The following SMCR8 variants were observed in gnomAD, a reference collection of about 807,000 sequenced individuals.
The protein encoded by SMCR8 is guanine nucleotide exchange protein SMCR8.
In SMCR8, 30 loss-of-function variants were observed where a neutral mutation model predicts 56.6. The observed-to-expected ratio is 0.53, with a 90% CI of 0.40 to 0.72. SMCR8 has a LOEUF of 0.72. Ranked by LOEUF, SMCR8 falls within the 30% of genes least tolerant of loss-of-function variation. SMCR8 has a pLI of 0.00. For missense variants in SMCR8, 1,198 were observed against 1,157.0 expected (o/e 1.04, Z -0.51); for synonymous variants, 538 against 456.0 (o/e 1.18, Z -2.29).
intron 1 of SMCR8, among the ~76,000 whole-genome samples, chr17:18,319,453 T>G (rs1201743381): frequency 1.3e-5 from 2 of 152,054 alleles, no homozygotes; most frequent in Non-Finnish European, 2.9e-5. Context: ...GGTTGTGACC[T>G]TCCTATCCTC....
chr17:18,320,274 C>T (rs369112062), intron 1 of SMCR8, among the ~76,000 whole-genome samples: 1 of 152,202 alleles, frequency 6.6e-6, no homozygotes, highest in African/African-American at 2.4e-5. Context: ...GTTGGGGTGC[C>T]GTGCGCTTGG....
Position 18,323,677 on chromosome 17 carries a change from CCA to C in SMCR8, c.*610_*611del, listed in dbSNP as rs751569794. 44 of 156,568 alleles carry C rather than the reference CCA, an allele frequency of 2.8e-4. No homozygotes were observed. Among genetic ancestry groups the C allele is most frequent in the Middle Eastern group, 3.3e-3 (1 of 302 alleles). The allele number at this position is 156,568 out of a possible 1,614,324, so 9.7% of individuals were successfully genotyped here. ...GAAACATGCGACCTTGGCCTCAGGG[CCA>C]CAGAGCGTGAGCAGCACCCTGTCCG... On this transcript the variant is annotated 3_prime_UTR_variant, in exon 2 of 2. Coordinates refer to ENST00000406438, the MANE Select transcript of SMCR8 (RefSeq NM_144775.3).
intron 1 of SMCR8, among the ~76,000 whole-genome samples, chr17:18,320,997 A>G (rs1043329316): frequency 5.9e-5 from 9 of 152,240 alleles, no homozygotes; most frequent in South Asian, 2.1e-4. Flanking sequence ...TTTTTTCTCA[A>G]TCAGACTGAG....
In SMCR8 at chr17:18,317,043, C is replaced by G. The variant is rs374947089; in HGVS notation, c.1254C>G (p.Tyr418Ter). ...AAGTGTTAATTAGTGTTGGTTCTTA[C>G]AAGTCCAGTGTGGAGTCTGTGTTGA... ...IPKVLISVGS[Y>*]KSSVESVLIK... The change falls in exon 1 of 2, where the codon TAC (tyrosine) becomes TAG (stop). Residue 418 changes from tyrosine (Y) to a stop codon, truncating the protein, a stop_gained. Transcript: ENST00000406438. LOFTEE classifies it high-confidence loss of function. 6.2e-7 allele frequency: 1 copy of G among 1,614,130 alleles called. No individual in the cohort carries two copies. Among genetic ancestry groups the G allele is most frequent in the Non-Finnish European group, 8.5e-7 (1 of 1,180,028 alleles).
At position 18,315,853 on chromosome 17, in the gene SMCR8, A is replaced by G; in HGVS notation, c.64A>G (p.Asn22Asp). Residue 22 changes from asparagine to aspartate, a missense_variant, in exon 1 of 2, where the codon AAT becomes GAT. Physicochemically the swap from Asn to Asp is conservative, Grantham distance 23. Coordinates refer to ENST00000406438, the MANE Select transcript of SMCR8 (RefSeq NM_144775.3). Reference sequence around the variant, plus strand: ...GGAAGAGTATGAAGAAGAGCCTTACAATGAGCCGGCCCTGCCTGAGGAGTA... The same window carrying G: ...GGAAGAGTATGAAGAAGAGCCTTACGATGAGCCGGCCCTGCCTGAGGAGTA... The part of the protein sequence containing the change: ...KEEEYEEEPY[N>D]EPALPEEYSV... The G allele has an allele frequency of 1.2e-6, 2 of 1,613,580 alleles. No homozygotes were observed. Among genetic ancestry groups the G allele is most frequent in the Non-Finnish European group, 1.7e-6 (2 of 1,179,700 alleles).
chr17:18,318,723 G>A (rs1982409645), intron 1 of SMCR8, among the ~76,000 whole-genome samples: 5 of 152,124 alleles, frequency 3.3e-5, no homozygotes, highest in Admixed American at 3.3e-4. Context: ...TTAAAATCAT[G>A]GATTCCTGAG....
rs758589447 is a variant in SMCR8, at chr17:18,322,764, G to C, written c.2508G>C (p.Gln836His). Residue 836 changes from glutamine (Q) to histidine (H), a missense_variant, in exon 2 of 2, where the codon CAG (glutamine) becomes CAC (histidine). Physicochemically the swap from Gln to His is conservative, Grantham distance 24 (BLOSUM62 0). Coordinates refer to ENST00000406438, the MANE Select transcript of SMCR8 (RefSeq NM_144775.3). ...CCCGCCTGGCAGACCACCGCACACAGATCAAGCGGGGCAGCACCTACTACC... is the reference window on the plus strand; with the variant it reads ...CCCGCCTGGCAGACCACCGCACACACATCAAGCGGGGCAGCACCTACTACC... ...LVPRLADHRT[Q>H]IKRGSTYYLH... 5 of 1,614,088 alleles carry C rather than the reference G, an allele frequency of 3.1e-6. No homozygotes were observed. In the African/African-American group the frequency reaches 5.3e-5, roughly 17 times the overall value.
rs1431362642 is a variant in SMCR8, at chr17:18,327,530, T to G, written c.*4460T>G. The G allele has an allele frequency of 6.6e-6, 1 of 152,222 alleles. No individual in the cohort carries two copies. Among genetic ancestry groups the G allele is most frequent in the Non-Finnish European group, 1.5e-5 (1 of 68,040 alleles). 9.4% of individuals were successfully genotyped at this position (152,222 alleles called of 1,614,324 possible). A position where few individuals can be genotyped will look rare whatever the true frequency, so the allele number is the denominator to read the frequency against. On this transcript the variant is annotated 3_prime_UTR_variant, in exon 2 of 2. Coordinates refer to ENST00000406438, the MANE Select transcript of SMCR8 (RefSeq NM_144775.3). ...AAACGCCGACAGGCTAGACCCCAGA[T>G]TGCAGGGGCTGCCACCTACAAGGTG...
rs1982346640 is a variant in SMCR8 at position 18,317,349 on chromosome 17, C to G, written c.1560C>G (p.Leu520=). The change falls in exon 1 of 2, where the codon CTC becomes CTG. Residue 520 remains leucine (L), a synonymous_variant. Coordinates refer to ENST00000406438, the MANE Select transcript of SMCR8 (RefSeq NM_144775.3). Reference sequence around the variant, plus strand: ...TCAGCGAGGACAGTATTGAAGTCCTCAGTACCTGCCCCTCTGAGGCCCTCA... The same window carrying G: ...TCAGCGAGGACAGTATTGAAGTCCTGAGTACCTGCCCCTCTGAGGCCCTCA... ...RTISEDSIEV[L]STCPSEALIP... is the part of the protein sequence containing the mutation. The G allele has an allele frequency of 1.2e-6, 2 of 1,614,120 alleles. No individual in the cohort carries two copies. The highest frequency in any genetic ancestry group is 2.7e-5 in the African/African-American group (2 of 75,022).
chr17:18,317,450 C>A lies in SMCR8; in HGVS notation c.1661C>A (p.Ala554Asp). ...TCATATCCAGATGGCAATGAAGGAGCCATCCGCTTCCAGGCAAGCATCAGT... is the reference window on the plus strand; with the variant it reads ...TCATATCCAGATGGCAATGAAGGAGACATCCGCTTCCAGGCAAGCATCAGT... ...EESYPDGNEG[A>D]IRFQASISPP... Residue 554 changes from alanine (A) to aspartate (D), a missense_variant, in exon 1 of 2, where the codon GCC becomes GAC. Coordinates refer to ENST00000406438, the MANE Select transcript of SMCR8 (RefSeq NM_144775.3). 1 of 1,614,066 alleles carries A rather than the reference C, an allele frequency of 6.2e-7. No individual in the cohort carries two copies. The highest frequency in any genetic ancestry group is 2.2e-5 in the East Asian group (1 of 44,884).
At position 18,323,998 on chromosome 17, in the gene SMCR8, C is replaced by T. The variant is rs573932307; in HGVS notation, c.*928C>T. On this transcript the variant is annotated 3_prime_UTR_variant, in exon 2 of 2. Coordinates refer to ENST00000406438, the MANE Select transcript of SMCR8 (RefSeq NM_144775.3). ...AGAGCGCATGAGCACTGACCTTCCT[C>T]GTGGGGAAGGTCTGCAGACCCGTGT... is the stretch of plus-strand genomic sequence containing the variant. 6.6e-6 allele frequency: 1 copy of T among 152,406 alleles called. No homozygotes were observed. The highest frequency in any genetic ancestry group is 1.9e-4 in the East Asian group (1 of 5,188). 9.4% of individuals were successfully genotyped at this position (152,406 alleles called of 1,614,324 possible). A position where few individuals can be genotyped will look rare whatever the true frequency, so the allele number is the denominator to read the frequency against.
intron 1 of SMCR8, among the ~76,000 whole-genome samples, chr17:18,321,003 C>T (rs904737947): frequency 6.6e-6 from 1 of 152,230 alleles, no homozygotes; most frequent in African/African-American, 2.4e-5. Context: ...CTCAATCAGA[C>T]TGAGCTCATG....
chr17:18,316,279 A>C lies in SMCR8; in HGVS notation c.490A>C (p.Lys164Gln). The C allele has an allele frequency of 6.2e-7, 1 of 1,613,974 alleles. No individual in the cohort carries two copies. Among genetic ancestry groups the C allele is most frequent in the South Asian group, 1.1e-5 (1 of 91,086 alleles). The change falls in exon 1 of 2, where the codon AAA becomes CAA. Residue 164 changes from lysine (K) to glutamine (Q), a missense_variant. Transcript: ENST00000406438. The stretch of plus-strand genomic sequence containing the variant: ...GGCTTATATCTCTGCAGACCAGCAT[A>C]AAATCATGCAGCAGTTCCAGGAGCT... ...CMAYISADQHKIMQQFQELSA... is the reference protein window; with the variant it reads ...CMAYISADQHQIMQQFQELSA...
chr17:18,320,222 GTCC>G lies in SMCR8; in HGVS notation c.2360+2078_2360+2080del, dbSNP rs371680077. Among the ~76,000 whole-genome samples, 34 of 152,352 alleles carry G rather than the reference GTCC, an allele frequency of 2.2e-4. No individual in the cohort carries two copies. In the East Asian group the frequency reaches 4.8e-3, roughly 22 times the overall value. On this transcript the variant is annotated intron_variant, in intron 1 of 1. Coordinates refer to ENST00000406438, the MANE Select transcript of SMCR8 (RefSeq NM_144775.3). ...TCTGTGTCCTCATTGGTGGAGAGGT[GTCC>G]TCCTGCGGCGGGCATGGTAAGTGCA...
rs1982558451 is a variant in SMCR8 at position 18,323,270 on chromosome 17, G to C, written c.*200G>C. On this transcript the variant is annotated 3_prime_UTR_variant, in exon 2 of 2. Transcript: ENST00000406438. ...GGCTCCCTCTAAAGGCGTCTGGAGG[G>C]ATGGTGACAGCTACATTTGGCTCCC... 1.8e-6 allele frequency: 1 copy of C among 568,752 alleles called. No individual in the cohort carries two copies. The highest frequency in any genetic ancestry group is 2.4e-5 in the South Asian group (1 of 42,254). 35.2% of individuals were successfully genotyped at this position (568,752 alleles called of 1,614,324 possible).
intron 1 of SMCR8, among the ~76,000 whole-genome samples, chr17:18,321,037 C>T (rs1371066628): frequency 6.6e-6 from 1 of 152,218 alleles, no homozygotes; most frequent in East Asian, 1.9e-4. Flanking sequence ...CTAGGTCATT[C>T]TTCATTACAG....
rs1982627456 is a variant in SMCR8, at chr17:18,325,610, C to A, written c.*2540C>A. 6.6e-6 allele frequency: 1 copy of A among 152,146 alleles called. No homozygotes were observed. Among genetic ancestry groups the A allele is most frequent in the South Asian group, 2.1e-4 (1 of 4,830 alleles). The allele number at this position is 152,146 out of a possible 1,614,324, so 9.4% of individuals were successfully genotyped here. On this transcript the variant is annotated 3_prime_UTR_variant, in exon 2 of 2. Transcript: ENST00000406438. The stretch of plus-strand genomic sequence containing the variant: ...TTTCAAAGGGATCTTGACGTGGTAC[C>A]AGGACTGAGTCATGATTTGGGCAGA...
At position 18,315,690 on chromosome 17, in the gene SMCR8, AG is replaced by A; in HGVS notation, c.-97del. 1 of 1,180,854 alleles carries A rather than the reference AG, an allele frequency of 8.5e-7. No individual in the cohort carries two copies. Among genetic ancestry groups the A allele is most frequent in the Non-Finnish European group, 1.2e-6 (1 of 840,002 alleles). The allele number at this position is 1,180,854 out of a possible 1,614,324, so 73.1% of individuals were successfully genotyped here. On this transcript the variant is annotated 5_prime_UTR_variant, in exon 1 of 2. Transcript: ENST00000406438. ...TCGGGGAGTCGCAAAGAAGGCCGTA[AG>A]GGCTTCACTTCCTTCTCCGGAGGCC... is the stretch of plus-strand genomic sequence containing the variant.
Position 18,322,530 on chromosome 17 carries a change from T to C in SMCR8, c.2361-87T>C, listed in dbSNP as rs1034242152. On this transcript the variant is annotated intron_variant, in intron 1 of 1. Coordinates refer to ENST00000406438, the MANE Select transcript of SMCR8 (RefSeq NM_144775.3). ...CATGCTGGCTAGGTGGATGCTGGCCTGGGGACAGGAGGCCTCACCTCCCAA... is the reference window on the plus strand; with the variant it reads ...CATGCTGGCTAGGTGGATGCTGGCCCGGGGACAGGAGGCCTCACCTCCCAA... 11 of 1,231,304 alleles carry C rather than the reference T, an allele frequency of 8.9e-6. No homozygotes were observed. In the African/African-American group the frequency reaches 1.6e-4, roughly 18 times the overall value. The allele number at this position is 1,231,304 out of a possible 1,614,324, so 76.3% of individuals were successfully genotyped here. A position where few individuals can be genotyped will look rare whatever the true frequency, so the allele number is the denominator to read the frequency against.
Sources: gnomAD v4.1 joint callset for allele counts (sites outside exome capture counted in the v4.1 genomes callset) on GRCh38, gnomAD v4.1.1 for gene constraint, MANE v1.5 for transcripts, NCBI Gene and HGNC (gene_info 2026-07-23, HGNC 2026-07-21) for gene names.